The following CMYA5 variants were observed in gnomAD, a reference collection of about 807,000 sequenced individuals.
The protein encoded by CMYA5 is cardiomyopathy-associated protein 5.
Under a neutral mutation model 318.9 loss-of-function variants are expected in CMYA5, and 246 were observed. That is an observed-to-expected ratio of 0.77 (90% CI 0.70 to 0.86). The LOEUF is 0.86. Among genes scored for constraint, CMYA5 ranks in the 40% least tolerant of loss-of-function variants. The pLI, the probability that CMYA5 is intolerant of heterozygous loss-of-function variation, is 0.00. For synonymous variants in CMYA5, 1,641 were observed against 1,729.5 expected (o/e 0.95, Z 1.27); for missense variants, 4,589 against 4,678.2 (o/e 0.98, Z 0.56).
At chr5:79,750,437 T>C (rs1828408782) in intron 5 of CMYA5, among the ~76,000 whole-genome samples, 1 of 152,238 alleles carries the variant, frequency 6.6e-6, no homozygotes, top group African/African-American at 2.4e-5. Flanking sequence ...TATTAGTAGC[T>C]AAGTTTTTGG....
At chr5:79,720,300 A>T (rs1827595534) in intron 1 of CMYA5, among the ~76,000 whole-genome samples, 1 of 152,222 alleles carries the variant, frequency 6.6e-6, no homozygotes, top group African/African-American at 2.4e-5. Flanking sequence ...GTGGGGGAAA[A>T]AAGTCCAAAT....
intron 4 of CMYA5, 146 bp downstream of exon 4, chr5:79,745,601 A>G (rs1828307677): frequency 1.5e-6 from 1 of 647,256 alleles, no homozygotes; most frequent in African/African-American, 1.8e-5. Context: ...TTATTTGGGC[A>G]TGCCTGATGC....
chr5:79,734,059 G>T lies in CMYA5; in HGVS notation c.5294G>T (p.Gly1765Val), dbSNP rs1827988845. The T allele has an allele frequency of 1.2e-6, 2 of 1,613,588 alleles. No homozygotes were observed. The highest frequency in any genetic ancestry group is 2.2e-5 in the South Asian group (2 of 91,080). The change falls in exon 2 of 13, where the codon GGA becomes GTA. Residue 1765 changes from glycine to valine, a missense_variant. Gly to Val is a moderately radical substitution (Grantham distance 109, BLOSUM62 -3). This residue lies in a region of CMYA5 where 2,132 missense variants were observed against 2,131.3 expected (regional missense o/e 1.00). Transcript: ENST00000446378. ...VSHPADFKKG[G>V]NQEIGPLPPT... ...CATCCAGCCGACTTTAAAAAGGGAGGAAATCAAGAAATAGGCCCATTACCA... is the reference window on the plus strand; with the variant it reads ...CATCCAGCCGACTTTAAAAAGGGAGTAAATCAAGAAATAGGCCCATTACCA...
At chr5:79,753,343 A>T (rs963501635) in intron 6 of CMYA5, among the ~76,000 whole-genome samples, 6 of 152,184 alleles carry the variant, frequency 3.9e-5, no homozygotes, top group African/African-American at 1.4e-4. Context: ...AATATTTTTT[A>T]ATGTGCTATT....
At chr5:79,751,204 T>A (rs1404186386) in intron 5 of CMYA5, among the ~76,000 whole-genome samples, 2 of 152,182 alleles carry the variant, frequency 1.3e-5, no homozygotes, top group Non-Finnish European at 2.9e-5. Flanking sequence ...AAGACAAAAT[T>A]GAACTCTCAG....
At chr5:79,717,126 G>A (rs1364490631) in intron 1 of CMYA5, among the ~76,000 whole-genome samples, 3 of 152,152 alleles carry the variant, frequency 2.0e-5, no homozygotes, top group African/African-American at 7.2e-5. Context: ...CTTTTGAGTT[G>A]TATTTTTACT....
intron 1 of CMYA5, among the ~76,000 whole-genome samples, chr5:79,707,784 C>G (rs1297108480): frequency 2.0e-5 from 3 of 152,208 alleles, no homozygotes; most frequent in Non-Finnish European, 4.4e-5. Flanking sequence ...TGAGCTCACA[C>G]AGTGCCTTAG....
intron 1 of CMYA5, among the ~76,000 whole-genome samples, chr5:79,713,293 CCCCG>C (rs145182039): frequency 0.46 from 57,349 of 125,370 alleles, 12,730 homozygotes; most frequent in East Asian, 0.7. Context: ...CCCCGCTGCA[CCCCG>C]CCCCCACCCC....
chr5:79,752,759 C>G lies in CMYA5; in HGVS notation c.11075C>G (p.Ser3692Trp). ...FSLFEHYDDSSARSDQMLKQV... is the reference protein window; with the variant it reads ...FSLFEHYDDSWARSDQMLKQV... The stretch of plus-strand genomic sequence containing the variant: ...CTTTTCGAACATTATGATGACAGCT[C>G]GGCAAGAAGTGACCAGATGTTAAAA... Residue 3692 changes from serine to tryptophan, a missense_variant, in exon 6 of 13, where the codon TCG becomes TGG. This residue lies in a region of CMYA5 where 2,431 missense variants were observed against 2,495.1 expected (regional missense o/e 0.97). Coordinates refer to ENST00000446378, the MANE Select transcript of CMYA5 (RefSeq NM_153610.5). The G allele has an allele frequency of 6.2e-7, 1 of 1,613,478 alleles. No individual in the cohort carries two copies. Among genetic ancestry groups the G allele is most frequent in the African/African-American group, 1.3e-5 (1 of 74,988 alleles).
intron 3 of CMYA5, among the ~76,000 whole-genome samples, chr5:79,744,915 A>G (rs1349674882): frequency 1.3e-5 from 2 of 152,132 alleles, no homozygotes; most frequent in Non-Finnish European, 2.9e-5. Flanking sequence ...ACGTGATGCC[A>G]TTTTCAAGTT....
At chr5:79,700,338 A>G (rs1463917933) in intron 1 of CMYA5, among the ~76,000 whole-genome samples, 2 of 151,796 alleles carry the variant, frequency 1.3e-5, no homozygotes, top group Admixed American at 1.3e-4. Context: ...CTTGGGTTCC[A>G]GAATCTTCGC....
chr5:79,763,485 C>T (rs1193620670), intron 9 of CMYA5: 6 of 375,020 alleles, frequency 1.6e-5, no homozygotes, highest in Non-Finnish European at 2.9e-5. Flanking sequence ...TATTTAACTT[C>T]AGTCATTAGA....
intron 1 of CMYA5, among the ~76,000 whole-genome samples, chr5:79,713,625 A>G (rs532395627): frequency 6.6e-6 from 1 of 152,138 alleles, no homozygotes; most frequent in African/African-American, 2.4e-5. Flanking sequence ...AGACCTGAAT[A>G]GATAGATACT....
Position 79,735,304 on chromosome 5 carries a change from C to A in CMYA5, c.6539C>A (p.Ser2180Ter). 4 of 1,613,804 alleles carry A rather than the reference C, an allele frequency of 2.5e-6. No homozygotes were observed. Among genetic ancestry groups the A allele is most frequent in the Non-Finnish European group, 3.4e-6 (4 of 1,179,808 alleles). Reference sequence around the variant, plus strand: ...AAGAAAGGAATTTCATCTTTCAAATCGTGGATGTCCAGCTTGTTTTTTGGA... The same window carrying A: ...AAGAAAGGAATTTCATCTTTCAAATAGTGGATGTCCAGCTTGTTTTTTGGA... ...KGKKGISSFK[S>*]WMSSLFFGSS... The change falls in exon 2 of 13, where the codon TCG (serine) becomes TAG (stop). Residue 2180 changes from serine to a stop codon, truncating the protein, a stop_gained. Coordinates refer to ENST00000446378, the MANE Select transcript of CMYA5 (RefSeq NM_153610.5). LOFTEE classifies it high-confidence loss of function.
At chr5:79,792,127 G>A (rs1032508074) in intron 11 of CMYA5, among the ~76,000 whole-genome samples, 1 of 152,154 alleles carries the variant, frequency 6.6e-6, no homozygotes, top group Non-Finnish European at 1.5e-5. Context: ...CCTAGTTCTG[G>A]CCAAGGCTTC....
chr5:79,714,431 C>CTTTTTCTTTTTTTTTTTTT (rs767402291), intron 1 of CMYA5, among the ~76,000 whole-genome samples: 19 of 100,682 alleles, frequency 1.9e-4, no homozygotes, highest in East Asian at 3.3e-4. Context: ...TTTTCTTTTT[C>CTTTTTCTTTTTTTTTTTTT]TTTTTTTTTT....
At position 79,739,353 on chromosome 5, in the gene CMYA5, C is replaced by T. The variant is rs1054794815; in HGVS notation, c.10588C>T (p.His3530Tyr). ...TGCCACTGACAAGGTGTTTGGCACC[C>T]ACAAAGACCATGAAGTTTCAACGCT... ...ISATDKVFGT[H>Y]KDHEVSTLDT... Residue 3530 changes from histidine to tyrosine, a missense_variant, in exon 2 of 13, where the codon CAC becomes TAC. Physicochemically the swap from His to Tyr is moderately conservative, Grantham distance 83. This residue lies in a region of CMYA5 where 2,431 missense variants were observed against 2,495.1 expected (regional missense o/e 0.97). Coordinates refer to ENST00000446378, the MANE Select transcript of CMYA5 (RefSeq NM_153610.5). 3.8e-6 allele frequency: 6 copies of T among 1,564,542 alleles called. No individual in the cohort carries two copies. The African/African-American group carries it at 8.2e-5, about 21-fold the overall frequency.
Position 79,731,919 on chromosome 5 carries a change from A to G in CMYA5, c.3154A>G (p.Thr1052Ala). ...DEEDIGSTAA[T>A]PVSEQFSSSQ... ...GGAAGACATTGGATCCACAGCTGCT[A>G]CACCTGTATCTGAGCAGTTCAGTTC... Residue 1052 changes from threonine (T) to alanine (A), a missense_variant, in exon 2 of 13, where the codon ACA becomes GCA. Around this residue, in one of 3 missense-constraint regions of CMYA5, gnomAD observed 2,132 missense variants for 2,131.3 expected, o/e 1.00. Transcript: ENST00000446378. The G allele has an allele frequency of 1.9e-6, 3 of 1,613,262 alleles. No homozygotes were observed. The highest frequency in any genetic ancestry group is 4.5e-5 in the East Asian group (2 of 44,868).
chr5:79,731,137 T>G lies in CMYA5; in HGVS notation c.2372T>G (p.Phe791Cys), dbSNP rs1827887638. 1 of 1,613,886 alleles carries G rather than the reference T, an allele frequency of 6.2e-7. No individual in the cohort carries two copies. ...SEGEDLGSER[F>C]TPDSKLISKY... is the part of the protein sequence containing the mutation. ...GGAGAGGACCTAGGAAGTGAACGTTTCACACCGGATTCAAAGTTGATCTCC... is the reference window on the plus strand; with the variant it reads ...GGAGAGGACCTAGGAAGTGAACGTTGCACACCGGATTCAAAGTTGATCTCC... The change falls in exon 2 of 13, where the codon TTC (phenylalanine) becomes TGC (cysteine). Residue 791 changes from phenylalanine (F) to cysteine (C), a missense_variant. Physicochemically the swap from Phe to Cys is radical, Grantham distance 205 (BLOSUM62 -2). This residue lies in a region of CMYA5 where 2,132 missense variants were observed against 2,131.3 expected (regional missense o/e 1.00). Coordinates refer to ENST00000446378, the MANE Select transcript of CMYA5 (RefSeq NM_153610.5).
Sources: gnomAD v4.1 joint callset for allele counts (sites outside exome capture counted in the v4.1 genomes callset) on GRCh38, gnomAD v4.1.1 for gene constraint, gnomAD v4.1.1 regional missense constraint, MANE v1.5 for transcripts, NCBI Gene and HGNC (gene_info 2026-07-23, HGNC 2026-07-21) for gene names.